The following UNC80 variants were observed in gnomAD, a reference collection of about 807,000 sequenced individuals.
UNC80 encodes protein unc-80 homolog.
A neutral mutation model predicts 384.6 loss-of-function variants in UNC80; 164 were observed. That is an observed-to-expected ratio of 0.43 (90% confidence interval 0.38 to 0.49). The LOEUF is 0.49. Ranked by LOEUF, UNC80 falls within the 20% of genes least tolerant of loss-of-function variation. UNC80 has a pLI of 0.00. For missense variants in UNC80, 3,330 were observed against 4,143.0 expected, an observed-to-expected ratio of 0.80 and a Z score of 5.39; for synonymous variants, 1,486 against 1,527.8, an observed-to-expected ratio of 0.97 and a Z score of 0.64.
chr2:209,788,568 A>G (rs1207021269), intron 5 of UNC80, among the ~76,000 whole-genome samples: 3 of 147,816 alleles, frequency 2.0e-5, no homozygotes, highest in African/African-American at 7.3e-5. Flanking sequence ...AAAATATATT[A>G]AAAGTATAAA....
chr2:209,857,375 A>G (rs945036036), intron 22 of UNC80, among the ~76,000 whole-genome samples: 36 of 152,316 alleles, frequency 2.4e-4, no homozygotes, highest in African/African-American at 7.7e-4. Flanking sequence ...TCAGTAGTTT[A>G]TCAATGTAAT....
At chr2:209,786,238 A>G (rs1286749547) in intron 5 of UNC80, 49 bp downstream of exon 5, 5 of 1,584,512 alleles carry the variant, frequency 3.2e-6, no homozygotes, top group Non-Finnish European at 4.3e-6. Context: ...ATTCCCTCAC[A>G]CACAGTAGTT....
At chr2:209,862,599 C>T (rs550601440) in intron 22 of UNC80, among the ~76,000 whole-genome samples, 1 of 139,726 alleles carries the variant, frequency 7.2e-6, no homozygotes, top group Non-Finnish European at 1.5e-5. Flanking sequence ...CTTTTTTGAT[C>T]TTTGTTGGTT....
chr2:209,900,048 A>T (rs2087220773), intron 28 of UNC80, among the ~76,000 whole-genome samples: 1 of 152,166 alleles, frequency 6.6e-6, no homozygotes, highest in Non-Finnish European at 1.5e-5. Context: ...GAGAAATGTG[A>T]TGTGTCCTCA....
Position 209,819,202 on chromosome 2 carries a change from A to G in UNC80, c.1903A>G (p.Thr635Ala), listed in dbSNP as rs1183097054. ...CATAAACTACAGCTACCTAGAGGACACAGAACATATTGACGGGACCAATAA... is the reference window on the plus strand; with the variant it reads ...CATAAACTACAGCTACCTAGAGGACGCAGAACATATTGACGGGACCAATAA... Reference protein sequence around the residue: ...SCINYSYLEDTEHIDGTNNFV... With the variant: ...SCINYSYLEDAEHIDGTNNFV... The change falls in exon 12 of 65, where the codon ACA becomes GCA. Residue 635 changes from threonine to alanine, a missense_variant. This residue lies in a region of UNC80 where 937 missense variants were observed against 1,026.8 expected (regional missense o/e 0.91). Coordinates refer to ENST00000673920, the MANE Select transcript of UNC80 (RefSeq NM_001371986.1). 3 of 1,551,892 alleles carry G rather than the reference A, an allele frequency of 1.9e-6. No homozygotes were observed. The highest frequency in any genetic ancestry group is 1.7e-4 in the Middle Eastern group (1 of 6,018).
intron 26 of UNC80, among the ~76,000 whole-genome samples, chr2:209,892,164 T>C (rs2086401466): frequency 6.6e-6 from 1 of 151,814 alleles, no homozygotes; most frequent in African/African-American, 2.4e-5. Flanking sequence ...TCTATGGGAG[T>C]AGAGGGAAAG....
chr2:209,887,978 G>T (rs2085981726), intron 25 of UNC80, 117 bp from the exon 26 acceptor site: 3 of 842,474 alleles, frequency 3.6e-6, no homozygotes. Flanking sequence ...GTCAGATAAA[G>T]GAATCTGGCT....
chr2:209,861,303 A>T (rs1312608243), intron 22 of UNC80, among the ~76,000 whole-genome samples: 1 of 152,204 alleles, frequency 6.6e-6, no homozygotes, highest in Non-Finnish European at 1.5e-5. Context: ...TATTGAGATA[A>T]TCATGTGGTT....
chr2:209,798,239 C>G (rs2078294149), intron 7 of UNC80, among the ~76,000 whole-genome samples: 1 of 152,232 alleles, frequency 6.6e-6, no homozygotes. Context: ...TTTGCCCATG[C>G]ATGTGTCCTG....
At chr2:209,891,320 A>G (rs1175532511) in intron 26 of UNC80, among the ~76,000 whole-genome samples, 1 of 152,308 alleles carries the variant, frequency 6.6e-6, no homozygotes, top group African/African-American at 2.4e-5. Flanking sequence ...ATTTTTGAAT[A>G]TGAAGAAGTA....
intron 28 of UNC80, among the ~76,000 whole-genome samples, chr2:209,903,798 G>C (rs2087839119): frequency 6.6e-6 from 1 of 151,096 alleles, no homozygotes; most frequent in South Asian, 2.1e-4. Flanking sequence ...TTCTGGCACA[G>C]CTTAGCTAGG....
chr2:209,831,619 G>A (rs1228066631), intron 16 of UNC80, 28 bp downstream of exon 16: 1 of 1,505,190 alleles, frequency 6.6e-7, no homozygotes, highest in African/African-American at 1.4e-5. Context: ...CTTCCCACAG[G>A]AGCTCTCAGT....
intron 14 of UNC80, among the ~76,000 whole-genome samples, chr2:209,827,044 G>A (rs768798820): frequency 1.8e-4 from 28 of 151,772 alleles, no homozygotes; most frequent in East Asian, 5.8e-4. Context: ...ATTGTGTTGC[G>A]TTATTTTAGT....
chr2:209,790,609 A>G (rs2077735635), intron 6 of UNC80, among the ~76,000 whole-genome samples: 1 of 152,174 alleles, frequency 6.6e-6, no homozygotes, highest in East Asian at 1.9e-4. Context: ...TTGCATCATC[A>G]GGGTCAGTGG....
At position 209,797,751 on chromosome 2, in the gene UNC80, G is replaced by T. The variant is rs112135008; in HGVS notation, c.938+3892G>T. Reference sequence around the variant, plus strand: ...AATCGACATGCTATCTTCCACAACGGTTGAACTAATTTACATTCCCACCAA... The same window carrying T: ...AATCGACATGCTATCTTCCACAACGTTTGAACTAATTTACATTCCCACCAA... On this transcript the variant is annotated intron_variant, in intron 7 of 64. Transcript: ENST00000673920. Among the ~76,000 whole-genome samples, 1,468 of 152,164 alleles carry T rather than the reference G, an allele frequency of 9.6e-3. 23 individuals carry two copies. The highest frequency in any genetic ancestry group is 0.032 in the African/African-American group (1,332 of 41,492).
chr2:209,969,930 A>G lies in UNC80; in HGVS notation c.8130+39A>G, dbSNP rs766145860. ...TGGCAATCTTATGAAACTTTGCACA[A>G]TGTAACTCTGCTATTGACTTCTCTG... On this transcript the variant is annotated intron_variant, in intron 53 of 64. Coordinates refer to ENST00000673920, the MANE Select transcript of UNC80 (RefSeq NM_001371986.1). 3.0e-5 allele frequency: 47 copies of G among 1,548,270 alleles called. No homozygotes were observed. In the Middle Eastern group the frequency reaches 8.4e-4, roughly 28 times the overall value.
chr2:209,935,890 GC>G, intron 40 of UNC80, 82 bp downstream of exon 40: 1 of 826,102 alleles, frequency 1.2e-6, no homozygotes, highest in Non-Finnish European at 1.9e-6. Context: ...GAATAAAATG[GC>G]ATTTTTCTGT....
At chr2:209,884,442 G>A (rs1345552901) in intron 25 of UNC80, among the ~76,000 whole-genome samples, 2 of 152,172 alleles carry the variant, frequency 1.3e-5, no homozygotes, top group Middle Eastern at 3.4e-3. Context: ...CCATGCCAAC[G>A]GAATTTAACA....
chr2:209,892,950 C>T (rs2086482471), intron 26 of UNC80, among the ~76,000 whole-genome samples: 1 of 152,184 alleles, frequency 6.6e-6, no homozygotes, highest in Non-Finnish European at 1.5e-5. Flanking sequence ...TCCATGGGGC[C>T]TTTACCAGCT....
Sources: gnomAD v4.1 joint callset for allele counts (sites outside exome capture counted in the v4.1 genomes callset) on GRCh38, gnomAD v4.1.1 for gene constraint, gnomAD v4.1.1 regional missense constraint, MANE v1.5 for transcripts, NCBI Gene and HGNC (gene_info 2026-07-23, HGNC 2026-07-21) for gene names.